TCF4: variants seen among roughly 807,000 people sequenced by gnomAD.
The protein encoded by TCF4 is SL3-3 enhancer factor 2.
Under a neutral mutation model 82.1 loss-of-function variants are expected in TCF4, and 3 were observed. The ratio of observed to expected loss-of-function variants is 0.04; its 90% CI spans 0.02 to 0.09. TCF4 has a LOEUF of 0.09. Among genes scored for constraint, TCF4 ranks in the 10% least tolerant of loss-of-function variants. The probability of loss-of-function intolerance (pLI) is 1.00; values close to 1 mark genes in which losing one functional copy is unlikely to be tolerated. For missense variants in TCF4, 518 were observed against 852.7 expected (o/e 0.61, Z 4.89); for synonymous variants, 276 against 309.6 (o/e 0.89, Z 1.14).
At chr18:55,591,445 A>C (rs1380017066), upstream of TCF4, among the ~76,000 whole-genome samples, 2 of 152,202 alleles carry the variant, frequency 1.3e-5, no homozygotes, top group Admixed American at 1.3e-4. Flanking sequence ...TAGATTAGAT[A>C]ATCCAATAAA....
chr18:55,615,484 C>T (rs749275357), intron 2 of TCF4, among the ~76,000 whole-genome samples: 3 of 151,602 alleles, frequency 2.0e-5, no homozygotes, highest in Non-Finnish European at 4.4e-5. Flanking sequence ...CAAAACAATT[C>T]TACTCCTTCA....
chr18:55,317,191 C>T (rs1311481143), intron 8 of TCF4, among the ~76,000 whole-genome samples: 3 of 151,874 alleles, frequency 2.0e-5, no homozygotes, highest in Admixed American at 2.0e-4. Context: ...AAAGTGCCAA[C>T]TATATTTAAA....
At chr18:55,379,573 C>T (rs937545848) in intron 6 of TCF4, among the ~76,000 whole-genome samples, 2 of 152,094 alleles carry the variant, frequency 1.3e-5, no homozygotes, top group African/African-American at 4.8e-5. Context: ...AGGGGACCAG[C>T]CTCCAAGTGC....
intron 6 of TCF4, among the ~76,000 whole-genome samples, chr18:55,353,590 G>T (rs1163791095): frequency 6.6e-6 from 1 of 152,094 alleles, no homozygotes; most frequent in African/African-American, 2.4e-5. Flanking sequence ...GGAAAATGAA[G>T]ATAAAAATAT....
At chr18:55,543,118 T>G (rs890774623) in intron 3 of TCF4, among the ~76,000 whole-genome samples, 1 of 152,108 alleles carries the variant, frequency 6.6e-6, no homozygotes, top group African/African-American at 2.4e-5. Context: ...TTAGTATCTT[T>G]GTAACAGTGG....
intron 15 of TCF4, among the ~76,000 whole-genome samples, chr18:55,252,384 A>G (rs2055500143): frequency 6.6e-6 from 1 of 151,046 alleles, no homozygotes; most frequent in South Asian, 2.1e-4. Context: ...GTGTGTGTAT[A>G]TCAAGATCAA....
chr18:55,593,138 A>G (rs568974727), upstream of TCF4, among the ~76,000 whole-genome samples: 14 of 152,340 alleles, frequency 9.2e-5, no homozygotes, highest in East Asian at 2.7e-3. Flanking sequence ...TGCTTCACTC[A>G]CACATGATAG....
At chr18:55,412,815 A>G (rs1603450947) in intron 5 of TCF4, among the ~76,000 whole-genome samples, 1 of 152,230 alleles carries the variant, frequency 6.6e-6, no homozygotes, top group African/African-American at 2.4e-5. Context: ...ACTTTTAATC[A>G]TAAATTATAT....
At chr18:55,568,688 A>C (rs1475518485) in intron 3 of TCF4, among the ~76,000 whole-genome samples, 3 of 152,116 alleles carry the variant, frequency 2.0e-5, no homozygotes, top group Non-Finnish European at 4.4e-5. Flanking sequence ...CAAAGAACAG[A>C]TTGTTTCATC....
chr18:55,374,837 C>G (rs999148061), intron 6 of TCF4, among the ~76,000 whole-genome samples: 3 of 137,412 alleles, frequency 2.2e-5, no homozygotes, highest in African/African-American at 8.2e-5. Flanking sequence ...CACTGCACTC[C>G]ATTCCAGTTT....
At position 55,224,914 on chromosome 18, in the gene TCF4, A is replaced by G. The variant is rs1411841074; in HGVS notation, c.*3121T>C. 2 of 152,476 alleles carry G rather than the reference A, an allele frequency of 1.3e-5. No homozygotes were observed. Among genetic ancestry groups the G allele is most frequent in the East Asian group, 3.8e-4 (2 of 5,200 alleles). The allele number at this position is 152,476 out of a possible 1,614,324, so 9.4% of individuals were successfully genotyped here. ...CCCCAGCCTAAGTGTCGTCATACAGATAGCGTAGTATGGACCCTTTTGAAA... is the reference window on the plus strand; with the variant it reads ...CCCCAGCCTAAGTGTCGTCATACAGGTAGCGTAGTATGGACCCTTTTGAAA... On this transcript the variant is annotated 3_prime_UTR_variant, in exon 20 of 20. Coordinates refer to ENST00000354452, the MANE Select transcript of TCF4 (RefSeq NM_001083962.2).
intron 3 of TCF4, among the ~76,000 whole-genome samples, chr18:55,541,377 A>G (rs980440041): frequency 2.6e-5 from 4 of 151,996 alleles, no homozygotes; most frequent in Non-Finnish European, 5.9e-5. Flanking sequence ...AACATTTAAA[A>G]ACACGGATAC....
At chr18:55,402,459 G>A (rs549146279) in intron 6 of TCF4, among the ~76,000 whole-genome samples, 7 of 151,478 alleles carry the variant, frequency 4.6e-5, no homozygotes, top group South Asian at 4.2e-4. Context: ...GAGGGTGAGA[G>A]AGTTCAAGAG....
At chr18:55,341,910 A>C (rs1211839259) in intron 8 of TCF4, among the ~76,000 whole-genome samples, 1 of 152,226 alleles carries the variant, frequency 6.6e-6, no homozygotes, top group Admixed American at 6.5e-5. Flanking sequence ...TTGTGACGCA[A>C]GTGACACAAG....
intron 2 of TCF4, among the ~76,000 whole-genome samples, chr18:55,606,446 C>T (rs1213573179): frequency 1.3e-5 from 2 of 152,166 alleles, no homozygotes; most frequent in South Asian, 2.1e-4. Context: ...AACTCAAAGA[C>T]ATAATTTGAA....
chr18:55,374,982 A>G (rs2090379763), intron 6 of TCF4, among the ~76,000 whole-genome samples: 1 of 151,766 alleles, frequency 6.6e-6, no homozygotes, highest in Non-Finnish European at 1.5e-5. Context: ...AAATTTCCCA[A>G]TGCATTCAAC....
intron 3 of TCF4, chr18:55,546,831 T>C (rs962124777): frequency 2.0e-5 from 3 of 152,212 alleles, no homozygotes; most frequent in Non-Finnish European, 2.9e-5. Context: ...CTTTCAAAAA[T>C]AGACATAGCA....
At chr18:55,606,034 C>T (rs188670764) in intron 2 of TCF4, among the ~76,000 whole-genome samples, 6 of 152,304 alleles carry the variant, frequency 3.9e-5, no homozygotes, top group South Asian at 4.1e-4. Context: ...AACAAGTCCT[C>T]GTGGTGCTTC....
chr18:55,460,008 G>A (rs971769973), intron 5 of TCF4, among the ~76,000 whole-genome samples: 4 of 152,256 alleles, frequency 2.6e-5, no homozygotes, highest in African/African-American at 9.6e-5. Context: ...TTCAAAGAAT[G>A]CCTGAGATTC....
Sources: gnomAD v4.1 joint callset for allele counts (sites outside exome capture counted in the v4.1 genomes callset) on GRCh38, gnomAD v4.1.1 for gene constraint, MANE v1.5 for transcripts, NCBI Gene and HGNC (gene_info 2026-07-23, HGNC 2026-07-21) for gene names.